Variants in ZBTB38 observed in about 807,000 individuals in gnomAD.
The protein encoded by ZBTB38 is zinc finger and BTB domain-containing protein 38.
A neutral mutation model predicts 76.8 loss-of-function variants in ZBTB38; 20 were observed. That is an observed-to-expected ratio of 0.26 (90% CI 0.18 to 0.38). The LOEUF is 0.38. Ranked by LOEUF, ZBTB38 falls within the 10% of genes least tolerant of loss-of-function variation. ZBTB38 has a pLI of 1.00. For missense variants in ZBTB38, 1,082 were observed against 1,482.3 expected (o/e 0.73, Z 4.43); for synonymous variants, 504 against 544.2 (o/e 0.93, Z 1.03).
chr3:141,441,831 G>A (rs1392930359), intron 5 of ZBTB38, among the ~76,000 whole-genome samples: 8 of 152,052 alleles, frequency 5.3e-5, no homozygotes, highest in African/African-American at 1.2e-4. Context: ...TGAGAGAATC[G>A]CTTGAGCCGG....
At chr3:141,382,576 G>C (rs1946351870) in intron 3 of ZBTB38, among the ~76,000 whole-genome samples, 1 of 152,054 alleles carries the variant, frequency 6.6e-6, no homozygotes, top group Non-Finnish European at 1.5e-5. Flanking sequence ...ATATATTTAT[G>C]TCATTTATTT....
chr3:141,431,341 A>ATATATATATATATATATAT (rs1553771300), intron 5 of ZBTB38, among the ~76,000 whole-genome samples: 20 of 103,270 alleles, frequency 1.9e-4, no homozygotes, highest in Non-Finnish European at 2.8e-4. Flanking sequence ...AAAAAAAAAA[A>ATATATATATATATATATAT]ATATATATAT....
intron 4 of ZBTB38, chr3:141,387,243 G>A (rs960972037): frequency 4.6e-5 from 7 of 151,018 alleles, no homozygotes; most frequent in African/African-American, 1.7e-4. Context: ...TTCAAAATAT[G>A]ATTTTACCTT....
intron 4 of ZBTB38, among the ~76,000 whole-genome samples, chr3:141,396,069 C>A (rs764853057): frequency 1.6e-4 from 25 of 152,136 alleles, no homozygotes; most frequent in Non-Finnish European, 2.6e-4. Flanking sequence ...TAAAATAAAA[C>A]AACAGTGAAG....
intron 5 of ZBTB38, among the ~76,000 whole-genome samples, chr3:141,409,719 G>A (rs1203970345): frequency 6.6e-6 from 1 of 152,190 alleles, no homozygotes; most frequent in Non-Finnish European, 1.5e-5. Flanking sequence ...CACCAATGGA[G>A]TTCCACACTG....
intron 5 of ZBTB38, among the ~76,000 whole-genome samples, chr3:141,428,111 T>G (rs921784294): frequency 2.0e-5 from 3 of 152,230 alleles, no homozygotes; most frequent in Non-Finnish European, 4.4e-5. Context: ...ACTGCCATCC[T>G]CGGCTGCCCT....
chr3:141,409,202 C>T (rs182865731), intron 5 of ZBTB38, among the ~76,000 whole-genome samples: 78 of 152,278 alleles, frequency 5.1e-4, no homozygotes, highest in African/African-American at 1.4e-3. Context: ...ACTGCCACCA[C>T]GCCCAGCTAA....
At chr3:141,432,025 C>T (rs771011364) in intron 5 of ZBTB38, 10 of 903,846 alleles carry the variant, frequency 1.1e-5, no homozygotes, top group Non-Finnish European at 1.3e-5. Flanking sequence ...TCTAACACCC[C>T]GTCACGTGAG....
At chr3:141,415,077 C>A (rs1021674918) in intron 5 of ZBTB38, among the ~76,000 whole-genome samples, 3 of 151,700 alleles carry the variant, frequency 2.0e-5, no homozygotes, top group Non-Finnish European at 2.9e-5. Context: ...TCATCATCTT[C>A]TCCATTCTAG....
intron 1 of ZBTB38, among the ~76,000 whole-genome samples, chr3:141,333,525 G>A (rs1942916442): frequency 6.6e-6 from 1 of 152,096 alleles, no homozygotes; most frequent in Non-Finnish European, 1.5e-5. Flanking sequence ...AGGTTGACCA[G>A]GCACAGCCCC....
chr3:141,449,352 C>T lies in ZBTB38; in HGVS notation c.*3376C>T, dbSNP rs1236445021. ...TCAGCTTCCCCTGAATTGGGCTTCC[C>T]TTATATCTCAGGAGATTGCCCTATA... On this transcript the variant is annotated 3_prime_UTR_variant, in exon 6 of 6. Transcript: ENST00000321464. The T allele has an allele frequency of 6.6e-6, 1 of 152,162 alleles. No individual in the cohort carries two copies. The highest frequency in any genetic ancestry group is 1.9e-4 in the East Asian group (1 of 5,196). 9.4% of individuals were successfully genotyped at this position (152,162 alleles called of 1,614,324 possible).
intron 1 of ZBTB38, among the ~76,000 whole-genome samples, chr3:141,348,957 G>C (rs755243708): frequency 2.6e-5 from 4 of 152,196 alleles, no homozygotes; most frequent in African/African-American, 7.2e-5. Flanking sequence ...GAGTAAGGGT[G>C]GGGGAGGCTA....
In ZBTB38 at chr3:141,443,326, A is replaced by G; in HGVS notation, c.938A>G (p.Glu313Gly). ...ACTCGTTCAAAATCTCCAAACAATGAAGGAGATGTCCATTTTTCCAGGGAA... is the reference window on the plus strand; with the variant it reads ...ACTCGTTCAAAATCTCCAAACAATGGAGGAGATGTCCATTTTTCCAGGGAA... ...VLTRSKSPNN[E>G]GDVHFSREDE... Residue 313 changes from glutamate (E) to glycine (G), a missense_variant, in exon 6 of 6, where the codon GAA becomes GGA. Around this residue, in one of 8 missense-constraint regions of ZBTB38, gnomAD observed 324 missense variants for 359.1 expected, o/e 0.90. Coordinates refer to ENST00000321464, the MANE Select transcript of ZBTB38 (RefSeq NM_001376113.1). This position sits in a 1 kb window ranked among gnomAD's most constrained non-coding sequence, Gnocchi z 5.6. 1 of 1,614,178 alleles carries G rather than the reference A, an allele frequency of 6.2e-7. No individual in the cohort carries two copies. The highest frequency in any genetic ancestry group is 8.5e-7 in the Non-Finnish European group (1 of 1,180,028).
intron 1 of ZBTB38, among the ~76,000 whole-genome samples, chr3:141,356,122 G>A (rs1943655656): frequency 6.6e-6 from 1 of 152,082 alleles, no homozygotes; most frequent in East Asian, 1.9e-4. Context: ...TAACAAAGGC[G>A]ATGTGGAGCC....
chr3:141,379,954 A>G (rs951331242), intron 2 of ZBTB38, among the ~76,000 whole-genome samples: 3 of 152,240 alleles, frequency 2.0e-5, no homozygotes, highest in African/African-American at 7.2e-5. Flanking sequence ...GAGGAATTGG[A>G]AAACATATTA....
At chr3:141,441,613 C>T (rs541118516) in intron 5 of ZBTB38, among the ~76,000 whole-genome samples, 1 of 152,278 alleles carries the variant, frequency 6.6e-6, no homozygotes, top group African/African-American at 2.4e-5. Context: ...GAGATTGACC[C>T]TTATGAGCCA....
chr3:141,440,645 T>G (rs13084019), intron 5 of ZBTB38, among the ~76,000 whole-genome samples: 199 of 152,304 alleles, frequency 1.3e-3, no homozygotes, highest in Non-Finnish European at 1.4e-3. Flanking sequence ...GAGGGTTTTT[T>G]TGTGTGTGTG....
chr3:141,359,416 C>A (rs1331096642), intron 1 of ZBTB38, among the ~76,000 whole-genome samples: 1 of 152,182 alleles, frequency 6.6e-6, no homozygotes, highest in East Asian at 1.9e-4. Flanking sequence ...TGAGCATGTG[C>A]CTATCTGCCA....
At position 141,443,331 on chromosome 3, in the gene ZBTB38, G is replaced by A; in HGVS notation, c.943G>A (p.Asp315Asn). 6.2e-7 allele frequency: 1 copy of A among 1,614,206 alleles called. No homozygotes were observed. Among genetic ancestry groups the A allele is most frequent in the Non-Finnish European group, 8.5e-7 (1 of 1,180,040 alleles). Residue 315 changes from aspartate (D) to asparagine (N), a missense_variant, in exon 6 of 6, where the codon GAT (aspartate) becomes AAT (asparagine). Physicochemically the swap from Asp to Asn is conservative, Grantham distance 23 (BLOSUM62 1). This residue lies in a region of ZBTB38 where 324 missense variants were observed against 359.1 expected (regional missense o/e 0.90). Transcript: ENST00000321464. This position sits in a 1 kb window ranked among gnomAD's most constrained non-coding sequence, Gnocchi z 5.6. ...TRSKSPNNEGDVHFSREDENQ... is the reference protein window; with the variant it reads ...TRSKSPNNEGNVHFSREDENQ... The stretch of plus-strand genomic sequence containing the variant: ...TTCAAAATCTCCAAACAATGAAGGA[G>A]ATGTCCATTTTTCCAGGGAAGATGA...
Sources: allele counts gnomAD v4.1 joint callset (sites outside exome capture counted in the v4.1 genomes callset), GRCh38; gene constraint gnomAD v4.1.1; regional missense constraint gnomAD v4.1.1; non-coding constraint Gnocchi (gnomAD v3.1); transcripts MANE v1.5; gene names NCBI Gene and HGNC (gene_info 2026-07-23, HGNC 2026-07-21).